APPBP2: variants seen among roughly 807,000 people sequenced by gnomAD.
The protein encoded by APPBP2 is amyloid protein-binding protein 2.
A neutral mutation model predicts 76.0 loss-of-function variants in APPBP2; 15 were observed. The observed-to-expected ratio is 0.20, with a 90% CI of 0.13 to 0.30. APPBP2 has a LOEUF of 0.30. Among genes scored for constraint, APPBP2 ranks in the 10% least tolerant of loss-of-function variants. The pLI, the probability that APPBP2 is intolerant of heterozygous loss-of-function variation, is 1.00. For missense variants in APPBP2, 401 were observed against 687.2 expected (o/e 0.58, Z 4.66); for synonymous variants, 222 against 242.2 (o/e 0.92, Z 0.77).
intron 10 of APPBP2, among the ~76,000 whole-genome samples, chr17:60,455,519 G>C (rs1404474322): frequency 2.0e-5 from 3 of 152,178 alleles, no homozygotes; most frequent in Non-Finnish European, 4.4e-5. Flanking sequence ...ACGTGAAAAA[G>C]CCTTGGTGGT....
At chr17:60,454,714 AC>A (rs2090419814) in intron 10 of APPBP2, among the ~76,000 whole-genome samples, 1 of 152,184 alleles carries the variant, frequency 6.6e-6, no homozygotes, top group South Asian at 2.1e-4. Flanking sequence ...TTTAAGAAAA[AC>A]AATGGTATAA....
intron 4 of APPBP2, among the ~76,000 whole-genome samples, chr17:60,468,949 G>C (rs969512393): frequency 6.6e-6 from 1 of 152,062 alleles, no homozygotes; most frequent in African/African-American, 2.4e-5. Flanking sequence ...TTTACCATAA[G>C]ACTGAACATG....
chr17:60,523,878 T>A (rs1018698034), intron 1 of APPBP2, among the ~76,000 whole-genome samples: 1 of 152,192 alleles, frequency 6.6e-6, no homozygotes, highest in Non-Finnish European at 1.5e-5. Flanking sequence ...GTTTGAGACC[T>A]TAATTAAATT....
intron 1 of APPBP2, among the ~76,000 whole-genome samples, chr17:60,524,359 A>T (rs1217104278): frequency 6.6e-6 from 1 of 152,352 alleles, no homozygotes; most frequent in East Asian, 1.9e-4. Context: ...TGAGAAAGAC[A>T]AATCTAATTT....
At chr17:60,461,745 A>G in intron 8 of APPBP2, 65 bp downstream of exon 8, 1 of 1,249,740 alleles carries the variant, frequency 8.0e-7, no homozygotes, top group Non-Finnish European at 1.1e-6. Flanking sequence ...TTTATACACC[A>G]CAAACAAATA....
At chr17:60,517,487 C>A (rs890139513) in intron 1 of APPBP2, among the ~76,000 whole-genome samples, 1 of 152,130 alleles carries the variant, frequency 6.6e-6, no homozygotes, top group Non-Finnish European at 1.5e-5. Context: ...TTAATCTTTG[C>A]TGACATAAAA....
rs369234176 is a variant in APPBP2 at position 60,493,253 on chromosome 17, C to T, written c.379+1213G>A. ...TATGTCTTTAATGGCAGCATGAAAA[C>T]AGATTAATACAATTGTGCCACTGCA... On this transcript the variant is annotated intron_variant, in intron 3 of 12. Coordinates refer to ENST00000083182, the MANE Select transcript of APPBP2 (RefSeq NM_006380.5). 9.9e-5 allele frequency among the ~76,000 whole-genome samples: 15 copies of T among 152,238 alleles called. No homozygotes were observed. In the East Asian group the frequency reaches 2.7e-3, roughly 27 times the overall value.
At chr17:60,499,332 CA>C (rs879508554) in intron 2 of APPBP2, among the ~76,000 whole-genome samples, 3,071 of 126,556 alleles carry the variant, frequency 0.024, 86 homozygotes, top group African/African-American at 0.074. Context: ...GACTGTGTCT[CA>C]AAAAAAAAAA....
At chr17:60,514,084 A>T (rs2090943349) in intron 1 of APPBP2, among the ~76,000 whole-genome samples, 1 of 151,632 alleles carries the variant, frequency 6.6e-6, no homozygotes, top group Admixed American at 6.6e-5. Flanking sequence ...TGGCAGGAAG[A>T]TCACTTGAAC....
At chr17:60,519,866 C>T (rs2090994840) in intron 1 of APPBP2, among the ~76,000 whole-genome samples, 1 of 150,682 alleles carries the variant, frequency 6.6e-6, no homozygotes, top group South Asian at 2.1e-4. Context: ...TCACTGCAAC[C>T]TCAGCCTCCT....
At chr17:60,512,855 G>GAAAA (rs1407058312) in intron 1 of APPBP2, among the ~76,000 whole-genome samples, 1 of 119,106 alleles carries the variant, frequency 8.4e-6, no homozygotes, top group African/African-American at 3.2e-5. Flanking sequence ...AAAAAAAAAA[G>GAAAA]GAAAGGAAAA....
At chr17:60,513,371 T>G (rs113893913) in intron 1 of APPBP2, 2 of 661,482 alleles carry the variant, frequency 3.0e-6, no homozygotes, top group Non-Finnish European at 5.6e-6. Flanking sequence ...ATGTGGTCTA[T>G]GAAGACATCT....
chr17:60,493,688 G>A (rs1178652487), intron 3 of APPBP2, among the ~76,000 whole-genome samples: 1 of 147,612 alleles, frequency 6.8e-6, no homozygotes, highest in Non-Finnish European at 1.5e-5. Context: ...TACCCAGGCT[G>A]GAGTGCAGTG....
intron 5 of APPBP2, chr17:60,465,100 G>A (rs983099447): frequency 5.3e-5 from 8 of 152,254 alleles, no homozygotes; most frequent in African/African-American, 1.9e-4. Flanking sequence ...AATATGAGAA[G>A]TGAAATGTGC....
intron 3 of APPBP2, among the ~76,000 whole-genome samples, chr17:60,489,375 C>T (rs1282038961): frequency 6.6e-6 from 1 of 152,004 alleles, no homozygotes; most frequent in Non-Finnish European, 1.5e-5. Flanking sequence ...CTTTGGGAGG[C>T]TGAGGTGGAC....
chr17:60,489,370 G>A (rs1209569879), intron 3 of APPBP2, among the ~76,000 whole-genome samples: 1 of 152,032 alleles, frequency 6.6e-6, no homozygotes, highest in Non-Finnish European at 1.5e-5. Context: ...CAGCACTTTG[G>A]GAGGCTGAGG....
intron 1 of APPBP2, among the ~76,000 whole-genome samples, chr17:60,524,610 G>GAAAAAAA (rs35185909): frequency 1.8e-4 from 9 of 49,942 alleles, no homozygotes; most frequent in African/African-American, 4.1e-4. Context: ...TGCTAATTCT[G>GAAAAAAA]AAAAAAAAAA....
intron 1 of APPBP2, among the ~76,000 whole-genome samples, chr17:60,523,536 A>C (rs772474866): frequency 7.9e-5 from 12 of 152,136 alleles, no homozygotes; most frequent in Non-Finnish European, 1.3e-4. Context: ...ATAGTGTTTA[A>C]AAGGAAGAAA....
rs576688255 is a variant in APPBP2 at position 60,494,946 on chromosome 17, A to C, written c.228-329T>G. On this transcript the variant is annotated intron_variant, in intron 2 of 12. Coordinates refer to ENST00000083182, the MANE Select transcript of APPBP2 (RefSeq NM_006380.5). ...AAAGGTACATAACCCAGTTTTTAAA[A>C]GGCAATGAAGATAGAAGAGTTTTTT... Among the ~76,000 whole-genome samples, 11 of 151,858 alleles carry C rather than the reference A, an allele frequency of 7.2e-5. No homozygotes were observed. In the East Asian group the frequency reaches 2.1e-3, roughly 29 times the overall value.
Sources: gnomAD v4.1 joint callset for allele counts (sites outside exome capture counted in the v4.1 genomes callset) on GRCh38, gnomAD v4.1.1 for gene constraint, MANE v1.5 for transcripts, NCBI Gene and HGNC (gene_info 2026-07-23, HGNC 2026-07-21) for gene names.